Variants in CDC42BPB observed in about 807,000 individuals in gnomAD.
CDC42BPB encodes the protein serine/threonine-protein kinase MRCK beta.
Under a neutral mutation model 214.9 loss-of-function variants are expected in CDC42BPB, and 37 were observed. The observed-to-expected ratio is 0.17, with a 90% CI of 0.13 to 0.23. CDC42BPB has a LOEUF of 0.23. Among genes scored for constraint, CDC42BPB ranks in the 10% least tolerant of loss-of-function variants. CDC42BPB has a pLI of 1.00. For missense variants in CDC42BPB, 1,694 were observed against 2,227.0 expected (o/e 0.76, Z 4.82); for synonymous variants, 931 against 884.0 (o/e 1.05, Z -0.94).
At position 103,020,715 on chromosome 14, in the gene CDC42BPB, C is replaced by T. The variant is rs529654643; in HGVS notation, c.176-8527G>A. Among the ~76,000 whole-genome samples, 305 of 152,282 alleles carry T rather than the reference C, an allele frequency of 2.0e-3. 1 individual carries two copies. The highest frequency in any genetic ancestry group is 3.7e-3 in the Non-Finnish European group (250 of 68,026). On this transcript the variant is annotated intron_variant, in intron 1 of 36. Coordinates refer to ENST00000361246, the MANE Select transcript of CDC42BPB (RefSeq NM_006035.4). ...TGTGCCAGGAGTCAGCGCCTTGGCC[C>T]GCACGTGGCAGGGAATGCAGGCGCC...
At chr14:102,970,407 A>C in intron 13 of CDC42BPB, 146 bp from the exon 14 acceptor site, 1 of 1,384,400 alleles carries the variant, frequency 7.2e-7, no homozygotes, top group Non-Finnish European at 9.4e-7. Flanking sequence ...CACAAATTAA[A>C]GTTTGAGAAA....
intron 1 of CDC42BPB, among the ~76,000 whole-genome samples, chr14:103,023,084 C>T (rs188703013): frequency 4.6e-5 from 7 of 151,876 alleles, no homozygotes; most frequent in Non-Finnish European, 1.0e-4. Flanking sequence ...GGCTCACTCC[C>T]TGCAGCCTTA....
chr14:102,942,038 TAAGTGACCTGGGCCCTCTTC>T (rs1891914665), intron 30 of CDC42BPB, among the ~76,000 whole-genome samples: 1 of 152,220 alleles, frequency 6.6e-6, no homozygotes, highest in Admixed American at 6.5e-5. Context: ...TACATTGCAC[TAAGTGACCTGGGCCCTCTTC>T]AACGTTACGC....
intron 17 of CDC42BPB, 41 bp from the exon 18 acceptor site, chr14:102,966,428 TA>T (rs1239225210): frequency 5.6e-6 from 9 of 1,606,744 alleles, no homozygotes; most frequent in Non-Finnish European, 6.0e-6. Flanking sequence ...GAAGCATGGC[TA>T]TCAGGGAGAA....
chr14:102,975,809 G>T lies in CDC42BPB; in HGVS notation c.1388-6C>A. ...CTGCACGGTCTGGGTGGACTCTGAG[G>T]GATGGAGAGACAGCGTGAGGTGCAG... On this transcript the variant is annotated splice_region_variant and splice_polypyrimidine_tract_variant and intron_variant, in intron 10 of 36. Transcript: ENST00000361246. 1.2e-6 allele frequency: 2 copies of T among 1,614,138 alleles called. No homozygotes were observed. The highest frequency in any genetic ancestry group is 2.2e-5 in the South Asian group (2 of 91,072).
chr14:103,008,475 T>C lies in CDC42BPB; in HGVS notation c.348A>G (p.Ala116=). ...ILNKWEMLKR[A]ETACFREERD... ...GCTTTTCAAGCTCCATACTTACCTC[T>C]GCTCTTTTCAGCATCTCCCACTTGT... is the stretch of plus-strand genomic sequence containing the variant. Residue 116 remains alanine, a synonymous_variant, in exon 3 of 37, where the codon GCA becomes GCG. Transcript: ENST00000361246. 1 of 1,598,342 alleles carries C rather than the reference T, an allele frequency of 6.3e-7. No individual in the cohort carries two copies. Among genetic ancestry groups the C allele is most frequent in the Non-Finnish European group, 8.6e-7 (1 of 1,165,538 alleles).
At chr14:103,023,693 A>C (rs17101206) in intron 1 of CDC42BPB, among the ~76,000 whole-genome samples, 5,184 of 152,242 alleles carry the variant, frequency 0.034, 276 homozygotes, top group African/African-American at 0.12. Flanking sequence ...TTTTCGAGTA[A>C]AAACTTTAGT....
intron 6 of CDC42BPB, chr14:102,984,000 G>A (rs1482811345): frequency 2.3e-6 from 1 of 437,362 alleles, no homozygotes; most frequent in East Asian, 1.6e-4. Context: ...GGCCAACACG[G>A]GCAACATGGT....
chr14:103,023,168 ATTT>A (rs35470028), intron 1 of CDC42BPB, among the ~76,000 whole-genome samples: 3 of 129,146 alleles, frequency 2.3e-5, no homozygotes, highest in Non-Finnish European at 1.6e-5. Context: ...CATGTGGCTA[ATTT>A]TTTTTTTTTT....
intron 9 of CDC42BPB, among the ~76,000 whole-genome samples, chr14:102,976,374 C>T (rs1280643899): frequency 6.6e-6 from 1 of 152,234 alleles, no homozygotes; most frequent in Non-Finnish European, 1.5e-5. Flanking sequence ...TAGGGGGCAG[C>T]CCCAGCTCGT....
intron 24 of CDC42BPB, among the ~76,000 whole-genome samples, chr14:102,951,902 CCTCT>C (rs1473122788): frequency 6.6e-6 from 1 of 152,174 alleles, no homozygotes; most frequent in Non-Finnish European, 1.5e-5. Flanking sequence ...AATTACTTTT[CCTCT>C]CTGATTTTCT....
Position 102,944,034 on chromosome 14 carries a change from T to A in CDC42BPB, c.4265A>T (p.Gln1422Leu). 6.2e-7 allele frequency: 1 copy of A among 1,613,458 alleles called. No individual in the cohort carries two copies. The highest frequency in any genetic ancestry group is 8.5e-7 in the Non-Finnish European group (1 of 1,179,996). ...CACAGCACAAAGGGCATCAAAAGAC[T>A]GTTGTGAGAGGAACGCAAGCGAGGG... is the stretch of plus-strand genomic sequence containing the variant. Reference protein sequence around the residue: ...NDPSLAFLSQQSFDALCAVEL... With the variant: ...NDPSLAFLSQLSFDALCAVEL... Residue 1422 changes from glutamine (Q) to leucine (L), a missense_variant, in exon 30 of 37, where the codon CAG (glutamine) becomes CTG (leucine). Physicochemically the swap from Gln to Leu is moderately radical, Grantham distance 113. Transcript: ENST00000361246. This position sits in a 1 kb window ranked among gnomAD's most constrained non-coding sequence, Gnocchi z 6.6.
Position 102,933,783 on chromosome 14 carries a change from G to A in CDC42BPB, c.5065C>T (p.Pro1689Ser), listed in dbSNP as rs1891503899. The change falls in exon 37 of 37, where the codon CCG becomes TCG. Residue 1689 changes from proline to serine, a missense_variant. Around this residue, in one of 7 missense-constraint regions of CDC42BPB, gnomAD observed 146 missense variants for 134.1 expected, o/e 1.09. Coordinates refer to ENST00000361246, the MANE Select transcript of CDC42BPB (RefSeq NM_006035.4). ...PSNSSNPSGP[P>S]SPNSPHRSQL... ...CTCCTGTGGGGGGAGTTGGGGCTCG[G>A]TGGGCCGCTGGGGTTGGAGCTATTC... is the stretch of plus-strand genomic sequence containing the variant. The A allele has an allele frequency of 6.7e-7, 1 of 1,502,514 alleles. No individual in the cohort carries two copies. The allele number at this position is 1,502,514 out of a possible 1,614,324, so 93.1% of individuals were successfully genotyped here. A position where few individuals can be genotyped will look rare whatever the true frequency, so the allele number is the denominator to read the frequency against.
intron 1 of CDC42BPB, among the ~76,000 whole-genome samples, chr14:103,051,404 A>G (rs1213990019): frequency 6.8e-6 from 1 of 146,072 alleles, no homozygotes; most frequent in Non-Finnish European, 1.5e-5. Flanking sequence ...ACATGGTAAC[A>G]TTGTTTTTAG....
intron 9 of CDC42BPB, among the ~76,000 whole-genome samples, chr14:102,977,880 T>C (rs1009788999): frequency 6.6e-6 from 1 of 152,194 alleles, no homozygotes; most frequent in Non-Finnish European, 1.5e-5. Context: ...ACAAAGGCCA[T>C]GAAACCTGAA....
Position 102,946,465 on chromosome 14 carries a change from T to C in CDC42BPB, c.3748+3A>G. ...CCTGAAGGACACAACCTTTGGGACG[T>C]ACCCACGATGGCAGCTGTCAGGATG... On this transcript the variant is annotated splice_donor_region_variant and intron_variant, in intron 28 of 36. Transcript: ENST00000361246. 3 of 1,612,532 alleles carry C rather than the reference T, an allele frequency of 1.9e-6. No individual in the cohort carries two copies. Among genetic ancestry groups the C allele is most frequent in the Non-Finnish European group, 2.5e-6 (3 of 1,179,928 alleles).
At chr14:103,041,221 G>A (rs1887973387) in intron 1 of CDC42BPB, among the ~76,000 whole-genome samples, 1 of 152,200 alleles carries the variant, frequency 6.6e-6, no homozygotes, top group African/African-American at 2.4e-5. Flanking sequence ...CTGGTTATCT[G>A]CGTGCAAAAG....
intron 4 of CDC42BPB, among the ~76,000 whole-genome samples, chr14:103,003,344 T>TA (rs940494692): frequency 6.6e-6 from 1 of 152,210 alleles, no homozygotes; most frequent in Non-Finnish European, 1.5e-5. Flanking sequence ...TCAGCTGCCT[T>TA]AGAGTGCCGT....
At position 102,952,979 on chromosome 14, in the gene CDC42BPB, C is replaced by T. The variant is rs1046485215; in HGVS notation, c.3067-376G>A. Among the ~76,000 whole-genome samples the T allele has an allele frequency of 2.6e-5, 4 of 152,232 alleles. No individual in the cohort carries two copies. In the South Asian group the frequency reaches 6.2e-4, roughly 24 times the overall value. Reference sequence around the variant, plus strand: ...GACCTGGGGCCACATTTAGGTTGGGCTGCACACAGGCCTTGCATGTGTCCA... The same window carrying T: ...GACCTGGGGCCACATTTAGGTTGGGTTGCACACAGGCCTTGCATGTGTCCA... On this transcript the variant is annotated intron_variant, in intron 23 of 36. Coordinates refer to ENST00000361246, the MANE Select transcript of CDC42BPB (RefSeq NM_006035.4).
Sources: gnomAD v4.1 joint callset for allele counts (sites outside exome capture counted in the v4.1 genomes callset) on GRCh38, gnomAD v4.1.1 for gene constraint, gnomAD v4.1.1 regional missense constraint, Gnocchi (gnomAD v3.1) non-coding constraint, MANE v1.5 for transcripts, NCBI Gene and HGNC (gene_info 2026-07-23, HGNC 2026-07-21) for gene names.